The following NBAS variants were observed in gnomAD, a reference collection of about 807,000 sequenced individuals.
NBAS encodes the protein NBAS subunit of NRZ tethering complex, also known as NAG/BC035112 fusion.
Under a neutral mutation model 302.5 loss-of-function variants are expected in NBAS, and 219 were observed. The observed-to-expected ratio is 0.72, with a 90% confidence interval of 0.65 to 0.81. The LOEUF is 0.81. Ranked by LOEUF, NBAS falls within the 30% of genes least tolerant of loss-of-function variation. The probability of loss-of-function intolerance (pLI) is 0.00; values close to 1 mark genes in which losing one functional copy is unlikely to be tolerated. For missense variants in NBAS, 2,932 were observed against 2,841.6 expected (o/e 1.03, Z -0.72); for synonymous variants, 1,118 against 1,021.6 (o/e 1.09, Z -1.80).
At chr2:15,142,248 T>C in the NBAS span, among the ~76,000 whole-genome samples, 3 of 152,198 alleles carry the variant, frequency 2.0e-5, no homozygotes, top group East Asian at 1.9e-4. Context: ...AAGGAGATAA[T>C]AGAGCAACTG....
chr2:15,330,780 C>A lies in NBAS; in HGVS notation c.4180-15G>T, dbSNP rs1402898795. The A allele has an allele frequency of 6.2e-7, 1 of 1,612,680 alleles. No homozygotes were observed. The highest frequency in any genetic ancestry group is 1.3e-5 in the African/African-American group (1 of 74,828). ...CCTACTTCATCCTGTATTAAAGAAA[C>A]AAAATAGCAAGGGCAAAAATGCATT... On this transcript the variant is annotated splice_polypyrimidine_tract_variant and intron_variant, in intron 35 of 51. Transcript: ENST00000281513.
intron 51 of NBAS, among the ~76,000 whole-genome samples, chr2:15,171,201 A>G (rs989315779): frequency 4.6e-5 from 7 of 152,140 alleles, no homozygotes; most frequent in Admixed American, 1.3e-4. Flanking sequence ...CATTTTGTTT[A>G]ACTCTCTTGG....
rs746966054 is a variant in NBAS at position 15,556,773 on chromosome 2, G to A, written c.209+10C>T. The stretch of plus-strand genomic sequence containing the variant: ...GTTCATACTGTTTCTCTGAAGAACC[G>A]AAGACTCACCTGTACCAGATGTATT... On this transcript the variant is annotated intron_variant, in intron 3 of 51. Coordinates refer to ENST00000281513, the MANE Select transcript of NBAS (RefSeq NM_015909.4). 17 of 1,604,274 alleles carry A rather than the reference G, an allele frequency of 1.1e-5. No homozygotes were observed. Among genetic ancestry groups the A allele is most frequent in the South Asian group, 2.2e-5 (2 of 90,766 alleles).
the NBAS span, among the ~76,000 whole-genome samples, chr2:14,991,952 C>G: frequency 2.6e-5 from 4 of 152,110 alleles, no homozygotes; most frequent in Non-Finnish European, 5.9e-5. Context: ...CGGTGCACAG[C>G]GCTCTGGAGG....
At chr2:15,132,132 T>G in the NBAS span, among the ~76,000 whole-genome samples, 31 of 152,308 alleles carry the variant, frequency 2.0e-4, no homozygotes, top group African/African-American at 7.5e-4. Flanking sequence ...ACATGAATGT[T>G]TATAGCAGCT....
At chr2:15,549,502 G>C (rs1664273323) in intron 6 of NBAS, among the ~76,000 whole-genome samples, 1 of 152,142 alleles carries the variant, frequency 6.6e-6, no homozygotes, top group East Asian at 1.9e-4. Context: ...GCCAAGGCGG[G>C]AGGATCACTT....
chr2:15,320,429 A>G (rs1318548436), intron 38 of NBAS, among the ~76,000 whole-genome samples: 1 of 152,204 alleles, frequency 6.6e-6, no homozygotes, highest in African/African-American at 2.4e-5. Flanking sequence ...AATAAAGGGT[A>G]TTCAATTAGG....
chr2:15,535,894 A>T (rs1344836407), intron 8 of NBAS, among the ~76,000 whole-genome samples: 1 of 152,188 alleles, frequency 6.6e-6, no homozygotes, highest in Non-Finnish European at 1.5e-5. Context: ...AATTTTAAAC[A>T]CTAGTTGTTC....
At chr2:15,483,242 C>A (rs2148602225) in intron 12 of NBAS, 4 of 286,080 alleles carry the variant, frequency 1.4e-5, no homozygotes, top group Non-Finnish European at 2.2e-5. Context: ...ATATTCAGTG[C>A]CTATTCTCAA....
chr2:15,481,445 A>G (rs1424707699), intron 12 of NBAS, among the ~76,000 whole-genome samples: 2 of 152,154 alleles, frequency 1.3e-5, no homozygotes, highest in African/African-American at 2.4e-5. Flanking sequence ...ACCACATCTG[A>G]TACACACTGT....
chr2:15,520,963 T>G (rs1237732404), intron 9 of NBAS, among the ~76,000 whole-genome samples: 2 of 152,250 alleles, frequency 1.3e-5, no homozygotes, highest in Non-Finnish European at 2.9e-5. Flanking sequence ...TTGTGATGAG[T>G]AGGATTCAGC....
chr2:15,327,829 T>A lies in NBAS; in HGVS notation c.4503A>T (p.Glu1501Asp), dbSNP rs1672142809. 6.2e-7 allele frequency: 1 copy of A among 1,613,590 alleles called. No individual in the cohort carries two copies. The highest frequency in any genetic ancestry group is 1.3e-5 in the African/African-American group (1 of 74,890). ...TTCTCAGCAATACTTCTGCAAAGCT[T>A]TCCACTGGAACATGCTGATAGGTGT... ...TYDTYQHVPV[E>D]SFAEVLLRTG... The change falls in exon 38 of 52, where the codon GAA becomes GAT. Residue 1501 changes from glutamate to aspartate, a missense_variant. By Grantham distance (45) the Glu-to-Asp change is conservative. Coordinates refer to ENST00000281513, the MANE Select transcript of NBAS (RefSeq NM_015909.4).
At chr2:15,316,381 G>A (rs1671510950) in intron 38 of NBAS, among the ~76,000 whole-genome samples, 1 of 152,190 alleles carries the variant, frequency 6.6e-6, no homozygotes, top group African/African-American at 2.4e-5. Context: ...TGGACAGTGG[G>A]TGCAGCCCAC....
At chr2:14,896,462 G>A in the NBAS span, among the ~76,000 whole-genome samples, 12 of 152,042 alleles carry the variant, frequency 7.9e-5, no homozygotes, top group Non-Finnish European at 1.3e-4. Flanking sequence ...CCCCCACACT[G>A]AACAAATCTT....
At chr2:15,218,635 C>A (rs1190720310) in intron 48 of NBAS, 138 bp downstream of exon 48, 4 of 1,071,014 alleles carry the variant, frequency 3.7e-6, no homozygotes, top group Non-Finnish European at 2.9e-6. Flanking sequence ...TGGCCAGGTG[C>A]CAGGCTGGTC....
At chr2:15,219,102 T>A in intron 47 of NBAS, 134 bp from the exon 48 acceptor site, 1 of 1,090,552 alleles carries the variant, frequency 9.2e-7, no homozygotes, top group East Asian at 2.6e-5. Context: ...AAAGGAAAAA[T>A]TTTGGTTTTT....
At chr2:15,503,128 A>G (rs1450537647) in intron 11 of NBAS, among the ~76,000 whole-genome samples, 1 of 152,204 alleles carries the variant, frequency 6.6e-6, no homozygotes, top group Admixed American at 6.5e-5. Flanking sequence ...TCCCGCTGGA[A>G]GGTCTTTAGG....
chr2:14,882,531 C>T, the NBAS span, among the ~76,000 whole-genome samples: 1 of 152,138 alleles, frequency 6.6e-6, no homozygotes, highest in Non-Finnish European at 1.5e-5. Context: ...AAGGTTCTCT[C>T]AGGCAATGCA....
At chr2:14,897,897 G>T in the NBAS span, among the ~76,000 whole-genome samples, 1 of 152,172 alleles carries the variant, frequency 6.6e-6, no homozygotes, top group South Asian at 2.1e-4. Flanking sequence ...TGGGAAGACT[G>T]GGGGTTATTT....
Sources: allele counts gnomAD v4.1 joint callset (sites outside exome capture counted in the v4.1 genomes callset), GRCh38; gene constraint gnomAD v4.1.1; transcripts MANE v1.5; gene names NCBI Gene and HGNC (gene_info 2026-07-23, HGNC 2026-07-21).